DNAAF4: variants seen among roughly 807,000 people sequenced by gnomAD.
DNAAF4 encodes dynein assembly factor 4, axonemal.
In DNAAF4, 43 loss-of-function variants were observed where a neutral mutation model predicts 51.8. That is an observed-to-expected ratio of 0.83 (90% CI 0.65 to 1.07). The LOEUF is 1.07. Ranked by LOEUF, DNAAF4 falls within the 50% of genes least tolerant of loss-of-function variation. DNAAF4 has a pLI of 0.00. For missense variants in DNAAF4, 581 were observed against 493.0 expected (o/e 1.18, Z -1.69); for synonymous variants, 194 against 165.6 (o/e 1.17, Z -1.32).
intron 3 of DNAAF4, chr15:55,495,098 T>C (rs1477076598): frequency 6.7e-6 from 1 of 150,338 alleles, no homozygotes; most frequent in East Asian, 2.0e-4. Context: ...GGGTGTGTTA[T>C]GACATCCTCA....
chr15:55,446,690 GGCCGGGCAGA>G (rs2057827620), intron 6 of DNAAF4, among the ~76,000 whole-genome samples: 1 of 142,456 alleles, frequency 7.0e-6, no homozygotes. Flanking sequence ...CAGACGGGGT[GGCCGGGCAGA>G]GGCGCTCCTC....
intron 6 of DNAAF4, chr15:55,442,538 C>T (rs1595898713): frequency 2.3e-6 from 2 of 860,756 alleles, no homozygotes; most frequent in East Asian, 4.8e-5. Flanking sequence ...CAGGCTTCTC[C>T]CTACAGGGAT....
intron 5 of DNAAF4, among the ~76,000 whole-genome samples, chr15:55,459,529 T>C (rs143638283): frequency 1.1e-4 from 16 of 152,224 alleles, no homozygotes; most frequent in African/African-American, 3.6e-4. Flanking sequence ...GTAAATGGCC[T>C]AAATGCTCCA....
At chr15:55,458,540 T>C (rs113271174) in intron 5 of DNAAF4, among the ~76,000 whole-genome samples, 1 of 152,206 alleles carries the variant, frequency 6.6e-6, no homozygotes, top group African/African-American at 2.4e-5. Flanking sequence ...AAATCTGAGA[T>C]TATGTAAACA....
chr15:55,430,318 A>G lies in DNAAF4; in HGVS notation c.*352T>C. ...TAATACAAACAAAAGTTATTTATAAATCTTTTATTTTAAAATTCTACCTTG... is the reference window on the plus strand; with the variant it reads ...TAATACAAACAAAAGTTATTTATAAGTCTTTTATTTTAAAATTCTACCTTG... On this transcript the variant is annotated 3_prime_UTR_variant, in exon 10 of 10. Coordinates refer to ENST00000321149, the MANE Select transcript of DNAAF4 (RefSeq NM_130810.4). 3 of 869,482 alleles carry G rather than the reference A, an allele frequency of 3.5e-6. No homozygotes were observed. Among genetic ancestry groups the G allele is most frequent in the Non-Finnish European group, 4.1e-6 (3 of 723,830 alleles). 53.9% of individuals were successfully genotyped at this position (869,482 alleles called of 1,614,324 possible).
chr15:55,431,359 TACAC>T (rs34741079), intron 9 of DNAAF4, among the ~76,000 whole-genome samples: 23,220 of 149,216 alleles, frequency 0.16, 2,492 homozygotes, highest in African/African-American at 0.31. Context: ...GGTGTGTGTA[TACAC>T]ACACACACAC....
intron 6 of DNAAF4, chr15:55,443,325 C>A (rs549836822): frequency 2.8e-6 from 3 of 1,060,594 alleles, no homozygotes; most frequent in Non-Finnish European, 4.2e-6. Context: ...GGGCCCCCAG[C>A]GTGCGGAGGC....
At chr15:55,467,721 T>C (rs1006089240) in intron 4 of DNAAF4, among the ~76,000 whole-genome samples, 1 of 152,144 alleles carries the variant, frequency 6.6e-6, no homozygotes, top group African/African-American at 2.4e-5. Flanking sequence ...GGTCTGTCTC[T>C]GCTGGGTGGA....
intron 6 of DNAAF4, among the ~76,000 whole-genome samples, chr15:55,442,318 C>T (rs11855032): frequency 0.049 from 7,400 of 152,162 alleles, 243 homozygotes; most frequent in Non-Finnish European, 0.068. Context: ...GGGGTTTCAT[C>T]GTGTTGTCCA....
At chr15:55,470,332 G>A (rs9806268) in intron 4 of DNAAF4, among the ~76,000 whole-genome samples, 33,914 of 151,880 alleles carry the variant, frequency 0.22, 4,671 homozygotes, top group Non-Finnish European at 0.31. Context: ...GATTACAGGC[G>A]TGAGCCACCG....
At chr15:55,497,675 G>A in intron 3 of DNAAF4, 37 bp downstream of exon 3, 2 of 1,580,782 alleles carry the variant, frequency 1.3e-6, no homozygotes, top group Non-Finnish European at 1.7e-6. Flanking sequence ...AACCGAAAAG[G>A]TACAACCAGA....
chr15:55,418,764 A>C, intron 7 of DNAAF4: 1 of 476,288 alleles, frequency 2.1e-6, no homozygotes. Context: ...AGCAAAATAA[A>C]AGGTAGAAAG....
intron 5 of DNAAF4, among the ~76,000 whole-genome samples, chr15:55,464,696 G>A (rs1222853502): frequency 1.3e-5 from 2 of 152,068 alleles, no homozygotes; most frequent in South Asian, 4.2e-4. Flanking sequence ...CGCCAGGTGT[G>A]GTGGCTCATG....
chr15:55,496,531 A>T (rs559952646), intron 3 of DNAAF4, among the ~76,000 whole-genome samples: 1 of 152,162 alleles, frequency 6.6e-6, no homozygotes, highest in Admixed American at 6.5e-5. Flanking sequence ...GGGTAATAAT[A>T]CCTAAGTGAC....
At chr15:55,467,298 A>C (rs1386049639) in intron 4 of DNAAF4, 137 bp from the exon 5 acceptor site, 1 of 836,586 alleles carries the variant, frequency 1.2e-6, no homozygotes, top group Admixed American at 2.8e-5. Flanking sequence ...GTAGTAGTGA[A>C]TTATGAATTA....
rs2057475462 is a variant in DNAAF4 at position 55,430,469 on chromosome 15, TAG to T, written c.*199_*200del. The stretch of plus-strand genomic sequence containing the variant: ...AATATGAAGAAATAAGGAATTAAAA[TAG>T]ATTCTTATTTAGATTTACTTATTCA... On this transcript the variant is annotated 3_prime_UTR_variant, in exon 10 of 10. Coordinates refer to ENST00000321149, the MANE Select transcript of DNAAF4 (RefSeq NM_130810.4). 9.2e-7 allele frequency: 1 copy of T among 1,092,022 alleles called. No individual in the cohort carries two copies. The highest frequency in any genetic ancestry group is 2.9e-5 in the South Asian group (1 of 34,654). 67.6% of individuals were successfully genotyped at this position (1,092,022 alleles called of 1,614,324 possible).
rs956435460 is a variant in DNAAF4 at position 55,470,057 on chromosome 15, T to C, written c.406-2896A>G. On this transcript the variant is annotated intron_variant, in intron 4 of 9. Transcript: ENST00000321149. ...AATACCTCGCTTATATTTACCCCTT[T>C]TTTTTTTTTTCTGAGACGGAGTCTC... is the stretch of plus-strand genomic sequence containing the variant. Among the ~76,000 whole-genome samples the C allele has an allele frequency of 4.4e-4, 66 of 150,388 alleles. No homozygotes were observed. In the East Asian group the frequency reaches 9.9e-3, roughly 23 times the overall value.
At chr15:55,461,371 C>T (rs2058092725) in intron 5 of DNAAF4, among the ~76,000 whole-genome samples, 1 of 152,096 alleles carries the variant, frequency 6.6e-6, no homozygotes, top group South Asian at 2.1e-4. Flanking sequence ...ACTGAGATTA[C>T]AGGTGTGAGC....
intron 6 of DNAAF4, chr15:55,443,036 G>C (rs547470799): frequency 1.2e-6 from 2 of 1,610,982 alleles, no homozygotes; most frequent in East Asian, 2.2e-5. Flanking sequence ...AGCTGGGCCT[G>C]TGACACTTGT....
Sources: allele counts gnomAD v4.1 joint callset (sites outside exome capture counted in the v4.1 genomes callset), GRCh38; gene constraint gnomAD v4.1.1; transcripts MANE v1.5; gene names NCBI Gene and HGNC (gene_info 2026-07-23, HGNC 2026-07-21).